The following CACNA1E variants were observed in gnomAD, a reference collection of about 807,000 sequenced individuals.
CACNA1E encodes the protein voltage-dependent R-type calcium channel subunit alpha-1E.
Under a neutral mutation model 259.2 loss-of-function variants are expected in CACNA1E, and 40 were observed. That is an observed-to-expected ratio of 0.15 (90% CI 0.12 to 0.20). The LOEUF (loss-of-function observed/expected upper bound fraction) is 0.20. CACNA1E is among the 10% of genes least tolerant of loss of function. The probability of loss-of-function intolerance (pLI) is 1.00; values close to 1 mark genes in which losing one functional copy is unlikely to be tolerated. For missense variants in CACNA1E, 1,874 were observed against 3,040.1 expected, an observed-to-expected ratio of 0.62 and a Z score of 9.02; for synonymous variants, 1,104 against 1,138.5, an observed-to-expected ratio of 0.97 and a Z score of 0.61.
intron 7 of CACNA1E, among the ~76,000 whole-genome samples, chr1:181,707,749 A>G (rs1553329328): frequency 6.6e-6 from 1 of 152,190 alleles, no homozygotes; most frequent in Non-Finnish European, 1.5e-5. Flanking sequence ...TCAGGGAAGA[A>G]CTATGACTTC....
chr1:181,622,288 C>A (rs1655796518), intron 6 of CACNA1E, among the ~76,000 whole-genome samples: 1 of 152,174 alleles, frequency 6.6e-6, no homozygotes, highest in South Asian at 2.1e-4. Context: ...GAGGGCTGTT[C>A]TTTCACTGAG....
Position 181,579,164 on chromosome 1 carries a change from A to G in CACNA1E, c.709A>G (p.Ile237Val). Residue 237 changes from isoleucine to valine, a missense_variant, in exon 5 of 48, where the codon ATC (isoleucine) becomes GTC (valine). By Grantham distance (29) the Ile-to-Val change is conservative. This residue lies in a region of CACNA1E where 28 missense variants were observed against 64.6 expected (regional missense o/e 0.43). Coordinates refer to ENST00000367573, the MANE Select transcript of CACNA1E (RefSeq NM_001205293.3). ...CTTCTTTGCCATCCTGATGTTTGCT[A>G]TCATTGGTTTGGAGTTCTACAGTGG... ...LLFFAILMFA[I>V]IGLEFYSGKL... is the part of the protein sequence containing the mutation. 6.8e-6 allele frequency: 11 copies of G among 1,613,540 alleles called. No individual in the cohort carries two copies. The highest frequency in any genetic ancestry group is 9.3e-6 in the Non-Finnish European group (11 of 1,179,570).
chr1:181,592,676 G>A (rs1652776818), intron 6 of CACNA1E, among the ~76,000 whole-genome samples: 3 of 152,162 alleles, frequency 2.0e-5, no homozygotes, highest in African/African-American at 7.2e-5. Context: ...GGGTGCTGGG[G>A]ACTTGGGAAG....
chr1:181,431,590 G>A (rs572991240), intron 2 of CACNA1E, among the ~76,000 whole-genome samples: 29 of 152,284 alleles, frequency 1.9e-4, no homozygotes, highest in Admixed American at 1.8e-3. Flanking sequence ...ACTTAACACA[G>A]GTATCATTTC....
intron 6 of CACNA1E, among the ~76,000 whole-genome samples, chr1:181,586,476 G>A (rs1652073283): frequency 6.6e-6 from 1 of 152,134 alleles, no homozygotes; most frequent in African/African-American, 2.4e-5. Flanking sequence ...AAGGTGAAGA[G>A]GAAAACGGTT....
chr1:181,473,945 T>C (rs542652181), intron 2 of CACNA1E, among the ~76,000 whole-genome samples: 56 of 152,354 alleles, frequency 3.7e-4, no homozygotes, highest in African/African-American at 1.3e-3. Flanking sequence ...TGGGCTTATT[T>C]TGAGAAATAA....
intron 2 of CACNA1E, among the ~76,000 whole-genome samples, chr1:181,437,193 T>C (rs1660150898): frequency 6.6e-6 from 1 of 152,210 alleles, no homozygotes; most frequent in Non-Finnish European, 1.5e-5. Flanking sequence ...ACTTCTGTGC[T>C]CACTGCATGG....
At chr1:181,440,746 G>C (rs893513439) in intron 2 of CACNA1E, among the ~76,000 whole-genome samples, 2 of 151,948 alleles carry the variant, frequency 1.3e-5, no homozygotes, top group African/African-American at 4.8e-5. Flanking sequence ...ATCCAGGCTG[G>C]GGTAGGCCTT....
chr1:181,328,258 A>G (rs1157338316), intron 1 of CACNA1E, among the ~76,000 whole-genome samples: 1 of 152,122 alleles, frequency 6.6e-6, no homozygotes, highest in African/African-American at 2.4e-5. Flanking sequence ...GTGGAAAGGT[A>G]AGGAGCTCTC....
At chr1:181,448,027 A>G (rs2102323251) in intron 2 of CACNA1E, among the ~76,000 whole-genome samples, 1 of 152,352 alleles carries the variant, frequency 6.6e-6, no homozygotes, top group South Asian at 2.1e-4. Flanking sequence ...TAGTCAGACC[A>G]TGATAATCCA....
intron 6 of CACNA1E, among the ~76,000 whole-genome samples, chr1:181,649,426 C>T (rs1306942765): frequency 1.3e-5 from 2 of 151,510 alleles, no homozygotes; most frequent in Non-Finnish European, 2.9e-5. Context: ...GCCTTAGAAG[C>T]TGTTTTAGTG....
intron 1 of CACNA1E, among the ~76,000 whole-genome samples, chr1:181,504,176 G>A (rs1291465673): frequency 1.3e-5 from 2 of 152,138 alleles, no homozygotes; most frequent in African/African-American, 4.8e-5. Context: ...TGAGACTGAA[G>A]GGAGAAAAGG....
At chr1:181,559,419 G>A (rs12755303) in intron 3 of CACNA1E, among the ~76,000 whole-genome samples, 74,119 of 151,912 alleles carry the variant, frequency 0.49, 21,039 homozygotes, top group Non-Finnish European at 0.63. Context: ...TGGGCACTTC[G>A]TTTCAGTAAG....
chr1:181,356,051 C>T (rs945576422), intron 1 of CACNA1E, among the ~76,000 whole-genome samples: 2 of 152,024 alleles, frequency 1.3e-5, no homozygotes, highest in African/African-American at 4.8e-5. Flanking sequence ...ACATTTTCAT[C>T]AACACCATAA....
intron 25 of CACNA1E, among the ~76,000 whole-genome samples, chr1:181,739,924 T>C (rs1042076141): frequency 7.9e-5 from 12 of 152,282 alleles, no homozygotes; most frequent in South Asian, 4.1e-4. Context: ...TCTAGCCAGT[T>C]TTCAATCACA....
chr1:181,628,337 T>A (rs1346266251), intron 6 of CACNA1E, among the ~76,000 whole-genome samples: 1 of 152,252 alleles, frequency 6.6e-6, no homozygotes, highest in Non-Finnish European at 1.5e-5. Context: ...AGAAGGACTC[T>A]GTATAATTAA....
At chr1:181,586,147 G>A (rs1159690320) in intron 6 of CACNA1E, among the ~76,000 whole-genome samples, 2 of 152,150 alleles carry the variant, frequency 1.3e-5, no homozygotes, top group Non-Finnish European at 1.5e-5. Context: ...GGGATTCTTC[G>A]ATGGATTGAA....
intron 7 of CACNA1E, among the ~76,000 whole-genome samples, chr1:181,701,305 G>T (rs925338798): frequency 2.0e-5 from 3 of 152,202 alleles, no homozygotes; most frequent in African/African-American, 7.2e-5. Context: ...AGTGCGAAAT[G>T]TGTCTCTGAG....
chr1:181,687,398 C>T (rs2102301899), intron 7 of CACNA1E, among the ~76,000 whole-genome samples: 1 of 152,268 alleles, frequency 6.6e-6, no homozygotes, highest in Middle Eastern at 3.4e-3. Flanking sequence ...GCTTGGGGGG[C>T]TGTCACCACA....
Sources: allele counts gnomAD v4.1 joint callset (sites outside exome capture counted in the v4.1 genomes callset), GRCh38; gene constraint gnomAD v4.1.1; regional missense constraint gnomAD v4.1.1; transcripts MANE v1.5; gene names NCBI Gene and HGNC (gene_info 2026-07-23, HGNC 2026-07-21).